GALNT12: variants seen among roughly 807,000 people sequenced by gnomAD.
The protein encoded by GALNT12 is polypeptide N-acetylgalactosaminyltransferase 12, also known as UDP-GalNAc:polypeptide N-acetylgalactosaminyltransferase 12.
In GALNT12, 45 loss-of-function variants were observed where a neutral mutation model predicts 55.5. The observed-to-expected ratio is 0.81, with a 90% confidence interval of 0.64 to 1.04. The LOEUF (loss-of-function observed/expected upper bound fraction) is 1.04, where lower values mean the gene tolerates loss of function less well. Ranked by LOEUF, GALNT12 falls within the 50% of genes least tolerant of loss-of-function variation. GALNT12 has a pLI of 0.00. For synonymous variants in GALNT12, 304 were observed against 312.2 expected (o/e 0.97, Z 0.28); for missense variants, 709 against 754.8 (o/e 0.94, Z 0.71).
chr9:98,807,830 G>A lies in GALNT12; in HGVS notation c.132G>A (p.Gly44=), dbSNP rs1554753771. ...GSVLRAQRGA[G]AGAAEPGPPR... ...TGCTGCGGGCGCAGCGTGGGGCCGG[G>A]GCCGGGGCTGCCGAGCCGGGACCCC... The change falls in exon 1 of 10, where the codon GGG becomes GGA. Residue 44 remains glycine (G), a synonymous_variant. Transcript: ENST00000375011. The A allele has an allele frequency of 2.0e-6, 2 of 1,024,566 alleles. No homozygotes were observed. Among genetic ancestry groups the A allele is most frequent in the Non-Finnish European group, 2.3e-6 (2 of 858,028 alleles). 63.5% of individuals were successfully genotyped at this position (1,024,566 alleles called of 1,614,324 possible).
intron 7 of GALNT12, among the ~76,000 whole-genome samples, chr9:98,840,698 T>C (rs899059495): frequency 1.3e-4 from 20 of 152,320 alleles, no homozygotes; most frequent in Admixed American, 2.6e-4. Flanking sequence ...AAGCAGGATA[T>C]TCATGTTACA....
At chr9:98,838,532 C>G (rs1160421208) in intron 6 of GALNT12, among the ~76,000 whole-genome samples, 2 of 152,214 alleles carry the variant, frequency 1.3e-5, no homozygotes, top group Non-Finnish European at 2.9e-5. Context: ...AGCGATTTAT[C>G]TCAGGGACTT....
At chr9:98,826,404 A>C (rs1452869552) in intron 2 of GALNT12, among the ~76,000 whole-genome samples, 1 of 152,114 alleles carries the variant, frequency 6.6e-6, no homozygotes, top group Non-Finnish European at 1.5e-5. Context: ...TTTGGTTTTT[A>C]AATGCTCATG....
chr9:98,810,824 T>C (rs960800770), intron 1 of GALNT12, among the ~76,000 whole-genome samples: 1 of 152,166 alleles, frequency 6.6e-6, no homozygotes, highest in Admixed American at 6.5e-5. Flanking sequence ...AGCACTGAAT[T>C]GAAGAGGAGG....
intron 8 of GALNT12, chr9:98,844,555 T>C (rs894567998): frequency 9.6e-5 from 28 of 293,002 alleles, no homozygotes; most frequent in Non-Finnish European, 1.6e-4. Flanking sequence ...TGTATTACTG[T>C]TTCGTTAACT....
At chr9:98,832,222 G>A (rs2118418318) in intron 4 of GALNT12, among the ~76,000 whole-genome samples, 1 of 152,170 alleles carries the variant, frequency 6.6e-6, no homozygotes, top group South Asian at 2.1e-4. Flanking sequence ...TAACCATTTT[G>A]AAGTATGCAA....
At chr9:98,832,524 AAAAT>A (rs1438031957) in intron 4 of GALNT12, among the ~76,000 whole-genome samples, 2 of 152,222 alleles carry the variant, frequency 1.3e-5, no homozygotes, top group South Asian at 2.1e-4. Flanking sequence ...TCTCTATAAA[AAAAT>A]AAATAAATAA....
chr9:98,843,129 T>C (rs1836333941), intron 7 of GALNT12, among the ~76,000 whole-genome samples: 1 of 152,206 alleles, frequency 6.6e-6, no homozygotes, highest in African/African-American at 2.4e-5. Flanking sequence ...GAAAATCCAA[T>C]GTAGTCTTGA....
chr9:98,835,129 G>A, intron 4 of GALNT12, 120 bp from the exon 5 acceptor site: 1 of 799,178 alleles, frequency 1.3e-6, no homozygotes, highest in Non-Finnish European at 2.3e-6. Context: ...AGAGGTGAAG[G>A]CGGGATATGC....
At chr9:98,845,943 A>G in intron 8 of GALNT12, 34 bp from the exon 9 acceptor site, 5 of 1,612,344 alleles carry the variant, frequency 3.1e-6, no homozygotes, top group Non-Finnish European at 4.2e-6. Flanking sequence ...TCAGTGGAAA[A>G]TGTTGTGTTA....
At chr9:98,830,818 T>A (rs142621002) in intron 3 of GALNT12, among the ~76,000 whole-genome samples, 223 of 152,338 alleles carry the variant, frequency 1.5e-3, no homozygotes, top group African/African-American at 5.2e-3. Flanking sequence ...CCCAGAGTGG[T>A]ATTTCTAATA....
chr9:98,824,203 A>G (rs1238526130), intron 2 of GALNT12, among the ~76,000 whole-genome samples: 1 of 152,214 alleles, frequency 6.6e-6, no homozygotes, highest in Non-Finnish European at 1.5e-5. Context: ...CTCACACAAG[A>G]TAGAAACAGG....
chr9:98,820,869 T>A (rs1022516767), intron 1 of GALNT12, among the ~76,000 whole-genome samples: 1 of 152,204 alleles, frequency 6.6e-6, no homozygotes, highest in African/African-American at 2.4e-5. Context: ...CTGCTTAACT[T>A]TGTTGAAATA....
rs1297151960 is a variant in GALNT12 at position 98,814,535 on chromosome 9, C to G, written c.371+6466C>G. ...ACCAGCCCTGTCCAAAATGGCGAAA[C>G]CACGTCTTTACTAAAAATACAAAAA... is the stretch of plus-strand genomic sequence containing the variant. On this transcript the variant is annotated intron_variant, in intron 1 of 9. Coordinates refer to ENST00000375011, the MANE Select transcript of GALNT12 (RefSeq NM_024642.5). Among the ~76,000 whole-genome samples, 3 of 151,942 alleles carry G rather than the reference C, an allele frequency of 2.0e-5. No homozygotes were observed. The East Asian group carries it at 5.8e-4, about 29-fold the overall frequency.
intron 7 of GALNT12, among the ~76,000 whole-genome samples, chr9:98,840,523 G>A (rs535041653): frequency 6.6e-6 from 1 of 152,180 alleles, no homozygotes; most frequent in African/African-American, 2.4e-5. Context: ...GAGTCACTTC[G>A]AGTATTTCAA....
chr9:98,831,250 C>T (rs967625884), intron 3 of GALNT12, among the ~76,000 whole-genome samples: 1 of 152,224 alleles, frequency 6.6e-6, no homozygotes, highest in African/African-American at 2.4e-5. Context: ...AGGAAGTCCT[C>T]ACATTAACCC....
intron 1 of GALNT12, among the ~76,000 whole-genome samples, chr9:98,809,766 T>C (rs918174857): frequency 6.6e-6 from 1 of 152,204 alleles, no homozygotes; most frequent in African/African-American, 2.4e-5. Context: ...AGTTTTTCTT[T>C]CCTGGATCCA....
chr9:98,817,265 C>T (rs1363116283), intron 1 of GALNT12, among the ~76,000 whole-genome samples: 1 of 152,160 alleles, frequency 6.6e-6, no homozygotes, highest in Non-Finnish European at 1.5e-5. Context: ...CGCGCCTAGC[C>T]TCGCGGTTAA....
chr9:98,829,153 T>TTATC (rs57899489), intron 3 of GALNT12, among the ~76,000 whole-genome samples: 27,093 of 141,832 alleles, frequency 0.19, 2,691 homozygotes, highest in African/African-American at 0.21. Flanking sequence ...GTAATTTTTT[T>TTATC]TATCTATCTA....
Sources: gnomAD v4.1 joint callset for allele counts (sites outside exome capture counted in the v4.1 genomes callset) on GRCh38, gnomAD v4.1.1 for gene constraint, MANE v1.5 for transcripts, NCBI Gene and HGNC (gene_info 2026-07-23, HGNC 2026-07-21) for gene names.